Variants in RYR3 observed in about 807,000 individuals in gnomAD.
The protein encoded by RYR3 is brain ryanodine receptor-calcium release channel.
A neutral mutation model predicts 584.3 loss-of-function variants in RYR3; 207 were observed. The observed-to-expected ratio is 0.35, with a 90% CI of 0.32 to 0.40. The LOEUF (loss-of-function observed/expected upper bound fraction) is 0.40. Among genes scored for constraint, RYR3 ranks in the 10% least tolerant of loss-of-function variants. The pLI is 1.00. For synonymous variants in RYR3, 2,416 were observed against 2,248.5 expected (o/e 1.07, Z -2.11); for missense variants, 5,616 against 6,089.2 (o/e 0.92, Z 2.59).
At chr15:33,532,277 G>C (rs1012155459) in intron 4 of RYR3, among the ~76,000 whole-genome samples, 2 of 152,158 alleles carry the variant, frequency 1.3e-5, no homozygotes, top group African/African-American at 4.8e-5. Context: ...TCATTTCTAA[G>C]TTTTACCTGC....
chr15:33,523,238 C>G (rs2054137153), intron 3 of RYR3, among the ~76,000 whole-genome samples: 1 of 152,186 alleles, frequency 6.6e-6, no homozygotes, highest in African/African-American at 2.4e-5. Context: ...GGAATAAAAG[C>G]TGGCCACCCG....
chr15:33,330,780 C>T (rs1259148488), intron 1 of RYR3, among the ~76,000 whole-genome samples: 1 of 152,154 alleles, frequency 6.6e-6, no homozygotes, highest in African/African-American at 2.4e-5. Flanking sequence ...CCAGGGTTAT[C>T]AATCCCCTTC....
At position 33,518,286 on chromosome 15, in the gene RYR3, G is replaced by A. The variant is rs147877595; in HGVS notation, c.280-12306G>A. Among the ~76,000 whole-genome samples, 481 of 152,318 alleles carry A rather than the reference G, an allele frequency of 3.2e-3. 1 individual carries two copies. The highest frequency in any genetic ancestry group is 0.011 in the African/African-American group (468 of 41,570). Reference sequence around the variant, plus strand: ...GCAGCAACATTCTTTTCGGTGCCAAGTTGTCACATTACATTAATGGTAACC... The same window carrying A: ...GCAGCAACATTCTTTTCGGTGCCAAATTGTCACATTACATTAATGGTAACC... On this transcript the variant is annotated intron_variant, in intron 3 of 103. Coordinates refer to ENST00000634891, the MANE Select transcript of RYR3 (RefSeq NM_001036.6).
intron 47 of RYR3, among the ~76,000 whole-genome samples, chr15:33,730,037 T>G (rs1567043235): frequency 6.6e-6 from 1 of 151,982 alleles, no homozygotes; most frequent in Non-Finnish European, 1.5e-5. Context: ...CGATCCCTAA[T>G]ACTGAATAAC....
At position 33,654,312 on chromosome 15, in the gene RYR3, C is replaced by G. The variant is rs545966147; in HGVS notation, c.4308+1429C>G. 2.0e-5 allele frequency among the ~76,000 whole-genome samples: 3 copies of G among 151,994 alleles called. No individual in the cohort carries two copies. The South Asian group carries it at 6.3e-4, about 32-fold the overall frequency. The stretch of plus-strand genomic sequence containing the variant: ...GACAGATCATTTGAGCTCAGGAGTT[C>G]GAGACCAGCCTGGGCAACATGGTGG... On this transcript the variant is annotated intron_variant, in intron 32 of 103. Coordinates refer to ENST00000634891, the MANE Select transcript of RYR3 (RefSeq NM_001036.6).
Position 33,838,571 on chromosome 15 carries a change from G to C in RYR3, c.12591G>C (p.Gln4197His), listed in dbSNP as rs368358733. The change falls in exon 89 of 104, where the codon CAG becomes CAC. Residue 4197 changes from glutamine to histidine, a missense_variant. Gln to His is a conservative substitution (Grantham distance 24). Around this residue, in one of 9 missense-constraint regions of RYR3, gnomAD observed 918 missense variants for 887.4 expected, o/e 1.03. Coordinates refer to ENST00000634891, the MANE Select transcript of RYR3 (RefSeq NM_001036.6). ...FFWMLFVGLF[Q>H]LLFTILGGIF... ...GGATGCTGTTCGTGGGGCTATTCCA[G>C]TTGCTCTTCACCATCCTGGGAGGAA... The C allele has an allele frequency of 6.2e-7, 1 of 1,613,810 alleles. No individual in the cohort carries two copies. Among genetic ancestry groups the C allele is most frequent in the African/African-American group, 1.3e-5 (1 of 74,902 alleles).
At chr15:33,423,510 G>C (rs1204963381) in intron 1 of RYR3, among the ~76,000 whole-genome samples, 1 of 152,168 alleles carries the variant, frequency 6.6e-6, no homozygotes, top group Non-Finnish European at 1.5e-5. Context: ...CCTAGAAGTG[G>C]AGTTTCTGGG....
chr15:33,607,326 A>T (rs1380126775), intron 18 of RYR3, among the ~76,000 whole-genome samples: 6 of 152,064 alleles, frequency 3.9e-5, no homozygotes, highest in Admixed American at 3.3e-4. Flanking sequence ...AGTGGCCTTT[A>T]AAAAAAATCA....
chr15:33,753,861 G>A (rs1278017695), intron 57 of RYR3, among the ~76,000 whole-genome samples: 1 of 152,074 alleles, frequency 6.6e-6, no homozygotes, highest in Non-Finnish European at 1.5e-5. Context: ...CTTGCTCACA[G>A]CAATGAAAAA....
At chr15:33,353,323 T>A (rs935211856) in intron 1 of RYR3, among the ~76,000 whole-genome samples, 2 of 152,172 alleles carry the variant, frequency 1.3e-5, no homozygotes, top group Non-Finnish European at 2.9e-5. Context: ...GAGGTCACCC[T>A]TGAAGGTGCG....
chr15:33,402,080 G>T (rs534463861), intron 1 of RYR3, among the ~76,000 whole-genome samples: 2 of 152,142 alleles, frequency 1.3e-5, no homozygotes, highest in Non-Finnish European at 2.9e-5. Context: ...TGCAAGAATG[G>T]TTAAAAGCAT....
intron 1 of RYR3, among the ~76,000 whole-genome samples, chr15:33,369,794 A>G (rs2040194438): frequency 2.0e-5 from 3 of 152,210 alleles, no homozygotes; most frequent in Admixed American, 2.0e-4. Context: ...AAGTTGATAG[A>G]TGTGTGTACC....
chr15:33,764,847 A>G (rs2072868546), intron 60 of RYR3, among the ~76,000 whole-genome samples: 1 of 152,088 alleles, frequency 6.6e-6, no homozygotes, highest in Non-Finnish European at 1.5e-5. Flanking sequence ...CCTGACTAAC[A>G]TGGTGAAACC....
At chr15:33,603,489 C>T (rs540176337) in intron 18 of RYR3, 125 bp downstream of exon 18, 39 of 1,025,038 alleles carry the variant, frequency 3.8e-5, no homozygotes, top group African/African-American at 1.4e-4. Context: ...ACTAATTAAA[C>T]GGTTAGGTGG....
chr15:33,477,823 G>T (rs2082754), intron 2 of RYR3, among the ~76,000 whole-genome samples: 61,216 of 115,402 alleles, frequency 0.53, 17,259 homozygotes, highest in African/African-American at 0.57. Flanking sequence ...TGCAGTGAGC[G>T]GAGATGGCGC....
chr15:33,814,432 T>C (rs1448016942), intron 74 of RYR3, among the ~76,000 whole-genome samples: 1 of 152,230 alleles, frequency 6.6e-6, no homozygotes, highest in Non-Finnish European at 1.5e-5. Context: ...CTCTGAAGCT[T>C]ATGTAAATAA....
intron 3 of RYR3, among the ~76,000 whole-genome samples, chr15:33,508,905 T>C (rs2052718274): frequency 6.6e-6 from 1 of 152,208 alleles, no homozygotes; most frequent in African/African-American, 2.4e-5. Flanking sequence ...ATGTTACTGC[T>C]TCTTGAAGAT....
chr15:33,584,369 A>G (rs774178553), intron 14 of RYR3, 26 bp from the exon 15 acceptor site: 50 of 1,353,364 alleles, frequency 3.7e-5, no homozygotes, highest in Middle Eastern at 1.8e-4. Context: ...TTTAACCTCT[A>G]TGATCAAACA....
At chr15:33,660,078 G>A in intron 33 of RYR3, 119 bp from the exon 34 acceptor site, 1 of 695,718 alleles carries the variant, frequency 1.4e-6, no homozygotes, top group Non-Finnish European at 2.5e-6. Context: ...AAAGCCCTTA[G>A]AGATCCCTGG....
Sources: allele counts gnomAD v4.1 joint callset (sites outside exome capture counted in the v4.1 genomes callset), GRCh38; gene constraint gnomAD v4.1.1; regional missense constraint gnomAD v4.1.1; transcripts MANE v1.5; gene names NCBI Gene and HGNC (gene_info 2026-07-23, HGNC 2026-07-21).